NBAS: variants seen among roughly 807,000 people sequenced by gnomAD.
NBAS encodes NBAS subunit of NRZ tethering complex.
NBAS carries 219 observed loss-of-function variants against 302.5 expected under a neutral mutation model. That is an observed-to-expected ratio of 0.72 (90% CI 0.65 to 0.81). The LOEUF is 0.81. Among genes scored for constraint, NBAS ranks in the 30% least tolerant of loss-of-function variants. NBAS has a pLI of 0.00. For missense variants in NBAS, 2,932 were observed against 2,841.6 expected (o/e 1.03, Z -0.72); for synonymous variants, 1,118 against 1,021.6 (o/e 1.09, Z -1.80).
At chr2:14,929,672 C>T in the NBAS span, among the ~76,000 whole-genome samples, 13,115 of 151,942 alleles carry the variant, frequency 0.086, 636 homozygotes, top group African/African-American at 0.11. Flanking sequence ...GCCACCACTC[C>T]CAGTCCAACA....
the NBAS span, among the ~76,000 whole-genome samples, chr2:15,011,651 A>C: frequency 0.016 from 2,379 of 152,220 alleles, 52 homozygotes; most frequent in Admixed American, 0.071. Flanking sequence ...CCATGGCCCC[A>C]ACCTGAGCAA....
chr2:15,430,504 T>A (rs1057153631), intron 21 of NBAS, among the ~76,000 whole-genome samples: 1 of 152,220 alleles, frequency 6.6e-6, no homozygotes, highest in Non-Finnish European at 1.5e-5. Context: ...TACAATGCTG[T>A]TAACATAAAA....
At chr2:15,543,424 A>G (rs1223201065) in intron 6 of NBAS, among the ~76,000 whole-genome samples, 5 of 152,188 alleles carry the variant, frequency 3.3e-5, no homozygotes, top group Non-Finnish European at 7.3e-5. Context: ...CATGTCCTTC[A>G]CAGCTCTTAC....
chr2:14,885,482 T>A, the NBAS span, among the ~76,000 whole-genome samples: 3 of 152,148 alleles, frequency 2.0e-5, no homozygotes, highest in African/African-American at 7.2e-5. Flanking sequence ...CCCACTGATG[T>A]CCACAGCAGT....
At chr2:15,394,833 C>A (rs1675791517) in intron 27 of NBAS, among the ~76,000 whole-genome samples, 1 of 152,032 alleles carries the variant, frequency 6.6e-6, no homozygotes. Flanking sequence ...CAAGATATGT[C>A]AAAAATTCTC....
chr2:15,229,464 T>G (rs1667289136), intron 47 of NBAS, among the ~76,000 whole-genome samples: 1 of 150,364 alleles, frequency 6.7e-6, no homozygotes, highest in Non-Finnish European at 1.5e-5. Context: ...GCAAATAATA[T>G]TTGCATCAAC....
intron 32 of NBAS, among the ~76,000 whole-genome samples, chr2:15,365,510 G>A (rs1391586231): frequency 6.6e-6 from 1 of 152,198 alleles, no homozygotes; most frequent in Non-Finnish European, 1.5e-5. Context: ...TTTAGCAAAT[G>A]TGTGGCACAG....
At chr2:14,919,775 T>C in the NBAS span, among the ~76,000 whole-genome samples, 1 of 152,218 alleles carries the variant, frequency 6.6e-6, no homozygotes, top group Non-Finnish European at 1.5e-5. Flanking sequence ...TCAAGTTTGA[T>C]CATGAGATTG....
chr2:14,857,106 A>C, the NBAS span, among the ~76,000 whole-genome samples: 9 of 152,190 alleles, frequency 5.9e-5, no homozygotes, highest in Non-Finnish European at 8.8e-5. Flanking sequence ...CCTAGGAATT[A>C]ACATAACCAA....
intron 29 of NBAS, among the ~76,000 whole-genome samples, chr2:15,380,981 G>A (rs1041438906): frequency 4.6e-5 from 7 of 152,144 alleles, no homozygotes; most frequent in Non-Finnish European, 5.9e-5. Flanking sequence ...AGAGGGATCC[G>A]CTATAAAATA....
chr2:15,011,343 C>T, the NBAS span, among the ~76,000 whole-genome samples: 1 of 151,884 alleles, frequency 6.6e-6, no homozygotes, highest in African/African-American at 2.4e-5. Context: ...AAAAGAACTT[C>T]TATGGATCAA....
chr2:15,443,704 A>T (rs1405537027), intron 21 of NBAS, among the ~76,000 whole-genome samples: 1 of 150,978 alleles, frequency 6.6e-6, no homozygotes, highest in Admixed American at 6.6e-5. Flanking sequence ...GAAAAGAGGA[A>T]GTCAAATTGT....
intron 12 of NBAS, among the ~76,000 whole-genome samples, chr2:15,480,743 G>C (rs769707599): frequency 7.9e-5 from 12 of 152,172 alleles, no homozygotes; most frequent in Non-Finnish European, 1.8e-4. Flanking sequence ...AATAAGTCCA[G>C]GTCAGCAGGT....
chr2:15,456,506 C>T (rs994213354), intron 21 of NBAS, among the ~76,000 whole-genome samples: 2 of 152,234 alleles, frequency 1.3e-5, no homozygotes, highest in Non-Finnish European at 2.9e-5. Context: ...TTGTACTAGG[C>T]ACTGTTCTCA....
At chr2:15,446,978 A>G (rs1158786147) in intron 21 of NBAS, among the ~76,000 whole-genome samples, 1 of 152,112 alleles carries the variant, frequency 6.6e-6, no homozygotes, top group Admixed American at 6.5e-5. Context: ...GAAAACAGAA[A>G]AAGAAAAAAA....
the NBAS span, among the ~76,000 whole-genome samples, chr2:15,095,306 A>T: frequency 6.6e-6 from 1 of 152,214 alleles, no homozygotes; most frequent in Non-Finnish European, 1.5e-5. Flanking sequence ...ATGGACTCAC[A>T]GTTCCACGTG....
chr2:14,816,971 A>T, the NBAS span, among the ~76,000 whole-genome samples: 1 of 152,160 alleles, frequency 6.6e-6, no homozygotes, highest in African/African-American at 2.4e-5. Context: ...CACATGCAGA[A>T]TCCCATCTGG....
At chr2:14,946,359 G>C in the NBAS span, among the ~76,000 whole-genome samples, 2 of 151,988 alleles carry the variant, frequency 1.3e-5, no homozygotes, top group South Asian at 2.1e-4. Context: ...ACATATAAAA[G>C]ACCTCCAATT....
intron 51 of NBAS, among the ~76,000 whole-genome samples, chr2:15,168,594 T>A (rs901568407): frequency 3.9e-5 from 6 of 152,240 alleles, no homozygotes; most frequent in African/African-American, 1.4e-4. Context: ...ATGCCTGAGA[T>A]CTGCCTCTTC....
Sources: allele counts gnomAD v4.1 joint callset (sites outside exome capture counted in the v4.1 genomes callset), GRCh38; gene constraint gnomAD v4.1.1; transcripts MANE v1.5; gene names NCBI Gene and HGNC (gene_info 2026-07-23, HGNC 2026-07-21).